Variants in TANC1 observed in about 807,000 individuals in gnomAD.
TANC1 encodes the protein tetratricopeptide repeat, ankyrin repeat and coiled-coil containing 1.
In TANC1, 77 loss-of-function variants were observed where a neutral mutation model predicts 149.7. The ratio of observed to expected loss-of-function variants is 0.51; its 90% CI spans 0.43 to 0.62. The LOEUF is 0.62. TANC1 is among the 20% of genes least tolerant of loss of function. The pLI, the probability that TANC1 is intolerant of heterozygous loss-of-function variation, is 0.00. For missense variants in TANC1, 1,985 were observed against 2,321.8 expected (o/e 0.85, Z 2.98); for synonymous variants, 854 against 925.0 (o/e 0.92, Z 1.39).
rs1232597461 is a variant in TANC1 at position 158,983,762 on chromosome 2, T to C, written c.-126+14980T>C. ...TTACCGACAGGAGAGCAGGCTTTTC[T>C]AGAGAAGAGGATGGTCAGTGCTTCA... On this transcript the variant is annotated intron_variant, in intron 1 of 26. Transcript: ENST00000263635. Among the ~76,000 whole-genome samples the C allele has an allele frequency of 5.3e-5, 8 of 152,318 alleles. No individual in the cohort carries two copies. The East Asian group carries it at 1.2e-3, about 22-fold the overall frequency.
At chr2:159,139,349 A>G (rs75283268) in intron 5 of TANC1, among the ~76,000 whole-genome samples, 1 of 152,362 alleles carries the variant, frequency 6.6e-6, no homozygotes, top group African/African-American at 2.4e-5. Context: ...AAAATCATCA[A>G]ACAAAATACA....
chr2:159,096,349 A>G (rs181014469), intron 3 of TANC1, among the ~76,000 whole-genome samples: 141 of 138,416 alleles, frequency 1.0e-3, no homozygotes, highest in Non-Finnish European at 1.8e-3. Context: ...TTTCTTGTAT[A>G]TATTTTTTAA....
At chr2:158,990,691 A>G (rs1422144225) in intron 1 of TANC1, among the ~76,000 whole-genome samples, 1 of 152,182 alleles carries the variant, frequency 6.6e-6, no homozygotes, top group African/African-American at 2.4e-5. Flanking sequence ...TGGATGGAAC[A>G]GTGTGAAGTA....
chr2:159,229,582 T>A lies in TANC1; in HGVS notation c.4156T>A (p.Phe1386Ile). The A allele has an allele frequency of 6.2e-7, 1 of 1,611,468 alleles. No homozygotes were observed. The highest frequency in any genetic ancestry group is 8.5e-7 in the Non-Finnish European group (1 of 1,178,892). Residue 1386 changes from phenylalanine to isoleucine, a missense_variant, in exon 27 of 27, where the codon TTC (phenylalanine) becomes ATC (isoleucine). This residue lies in a region of TANC1 where 920 missense variants were observed against 994.7 expected (regional missense o/e 0.92). Coordinates refer to ENST00000263635, the MANE Select transcript of TANC1 (RefSeq NM_033394.3). ...ACCTTACATTTTCCTACAAAGGCAA[T>A]TCGTGGCAGCTCTGGCTGACCTGCA... ...RARAKRNSRQFVAALADLQEA... is the reference protein window; with the variant it reads ...RARAKRNSRQIVAALADLQEA...
chr2:159,063,319 A>G (rs1368372302), intron 2 of TANC1, among the ~76,000 whole-genome samples: 1 of 152,170 alleles, frequency 6.6e-6, no homozygotes, highest in Non-Finnish European at 1.5e-5. Context: ...GTGTACTGTC[A>G]TTATTGGCCC....
At chr2:159,027,529 A>G (rs980455658) in intron 2 of TANC1, among the ~76,000 whole-genome samples, 3 of 152,266 alleles carry the variant, frequency 2.0e-5, no homozygotes, top group Admixed American at 6.5e-5. Context: ...ACTTAAGCAA[A>G]TCTTGAAGAA....
At chr2:159,193,730 G>A (rs988325446) in intron 16 of TANC1, among the ~76,000 whole-genome samples, 5 of 152,124 alleles carry the variant, frequency 3.3e-5, no homozygotes, top group Non-Finnish European at 5.9e-5. Flanking sequence ...CACCATGTTG[G>A]CCAGATGGTC....
intron 2 of TANC1, among the ~76,000 whole-genome samples, chr2:159,064,884 C>G (rs1209610022): frequency 6.6e-6 from 1 of 152,140 alleles, no homozygotes; most frequent in Non-Finnish European, 1.5e-5. Context: ...TTTCTCCCTC[C>G]TTGCCTCCCT....
intron 2 of TANC1, among the ~76,000 whole-genome samples, chr2:159,033,516 G>T (rs535455122): frequency 6.6e-6 from 1 of 152,304 alleles, no homozygotes; most frequent in East Asian, 1.9e-4. Flanking sequence ...GTACAGATGG[G>T]ATACACTTTG....
chr2:159,208,253 G>A (rs537448564), intron 19 of TANC1, among the ~76,000 whole-genome samples: 13 of 152,272 alleles, frequency 8.5e-5, no homozygotes, highest in Non-Finnish European at 1.6e-4. Flanking sequence ...GTTAATGTAT[G>A]CTATACATTT....
chr2:159,219,529 C>T (rs1433986496), intron 21 of TANC1, 163 bp from the exon 22 acceptor site: 1 of 1,235,016 alleles, frequency 8.1e-7, no homozygotes, highest in Admixed American at 1.9e-5. Context: ...TATTCCTCTT[C>T]AGCAGCGATG....
chr2:159,107,000 A>G (rs2047247873), intron 4 of TANC1, among the ~76,000 whole-genome samples: 2 of 151,128 alleles, frequency 1.3e-5, no homozygotes, highest in South Asian at 4.2e-4. Context: ...CTTTGATTTT[A>G]TTGGTGGCTT....
intron 4 of TANC1, among the ~76,000 whole-genome samples, chr2:159,108,299 C>T (rs913310963): frequency 6.6e-6 from 1 of 152,166 alleles, no homozygotes; most frequent in African/African-American, 2.4e-5. Flanking sequence ...TGCTTTCCTC[C>T]ACTCCTGTCT....
At chr2:159,149,878 T>C in intron 6 of TANC1, 1 of 168,490 alleles carries the variant, frequency 5.9e-6, no homozygotes, top group East Asian at 1.7e-4. Context: ...CATGCATTGA[T>C]TGAGACTGAG....
intron 2 of TANC1, among the ~76,000 whole-genome samples, chr2:159,054,283 C>T (rs1342581298): frequency 6.6e-6 from 1 of 152,144 alleles, no homozygotes; most frequent in East Asian, 1.9e-4. Flanking sequence ...ATTAACAGTA[C>T]CTTCCTCAGA....
chr2:159,071,200 AC>A (rs954091963), intron 3 of TANC1, among the ~76,000 whole-genome samples: 6 of 152,214 alleles, frequency 3.9e-5, no homozygotes, highest in African/African-American at 1.4e-4. Flanking sequence ...CTGAGGCAGA[AC>A]AGCAAAGTTC....
chr2:159,198,784 T>A (rs901257619), intron 18 of TANC1, among the ~76,000 whole-genome samples, 191 bp from the exon 19 acceptor site: 4 of 152,216 alleles, frequency 2.6e-5, no homozygotes, highest in Non-Finnish European at 5.9e-5. Context: ...GATTTTTTTT[T>A]AATTCTTCTC....
At chr2:159,047,987 A>G (rs1010914689) in intron 2 of TANC1, among the ~76,000 whole-genome samples, 7 of 152,156 alleles carry the variant, frequency 4.6e-5, no homozygotes, top group African/African-American at 1.7e-4. Flanking sequence ...CAAACTTGTC[A>G]TGTTTTATTT....
At chr2:159,229,437 G>C in intron 26 of TANC1, 141 bp from the exon 27 acceptor site, 1 of 701,310 alleles carries the variant, frequency 1.4e-6, no homozygotes. Flanking sequence ...GGCTGGTTAA[G>C]TGGGTCCTGG....
Sources: allele counts gnomAD v4.1 joint callset (sites outside exome capture counted in the v4.1 genomes callset), GRCh38; gene constraint gnomAD v4.1.1; regional missense constraint gnomAD v4.1.1; transcripts MANE v1.5; gene names NCBI Gene and HGNC (gene_info 2026-07-23, HGNC 2026-07-21).